The following ZNF76 variants were observed in gnomAD, a reference collection of about 807,000 sequenced individuals.
The protein encoded by ZNF76 is zinc finger protein 76.
In ZNF76, 66 loss-of-function variants were observed where a neutral mutation model predicts 66.9. The observed-to-expected ratio is 0.99, with a 90% confidence interval of 0.81 to 1.21. ZNF76 has a LOEUF of 1.21. Among genes scored for constraint, ZNF76 ranks in the 50% most tolerant of loss-of-function variants. The pLI, the probability that ZNF76 is intolerant of heterozygous loss-of-function variation, is 0.00. For missense variants in ZNF76, 729 were observed against 760.3 expected, an observed-to-expected ratio of 0.96 and a Z score of 0.48; for synonymous variants, 275 against 296.1, an observed-to-expected ratio of 0.93 and a Z score of 0.73.
intron 5 of ZNF76, among the ~76,000 whole-genome samples, chr6:35,288,893 A>G (rs1789979759): frequency 6.6e-6 from 1 of 151,432 alleles, no homozygotes; most frequent in Non-Finnish European, 1.5e-5. Flanking sequence ...GGTGACTGCA[A>G]TGAGCTGAGA....
Position 35,291,488 on chromosome 6 carries a change from T to C in ZNF76, c.752-70T>C, listed in dbSNP as rs1241897104. 4 of 1,608,490 alleles carry C rather than the reference T, an allele frequency of 2.5e-6. No homozygotes were observed. In the African/African-American group the frequency reaches 4.0e-5, roughly 16 times the overall value. On this transcript the variant is annotated intron_variant, in intron 8 of 13. Coordinates refer to ENST00000373953, the MANE Select transcript of ZNF76 (RefSeq NM_003427.5). ...TTTCAGACTTAGACCTGGAGCCCAGTGCCATCCCCAGCTTGCTCCAGCATG... is the reference window on the plus strand; with the variant it reads ...TTTCAGACTTAGACCTGGAGCCCAGCGCCATCCCCAGCTTGCTCCAGCATG...
At position 35,295,756 on chromosome 6, in the gene ZNF76, A is replaced by C; in HGVS notation, c.*508A>C. The C allele has an allele frequency of 4.9e-6, 1 of 202,740 alleles. No homozygotes were observed. Among genetic ancestry groups the C allele is most frequent in the Non-Finnish European group, 1.0e-5 (1 of 95,778 alleles). 12.6% of individuals were successfully genotyped at this position (202,740 alleles called of 1,614,324 possible). A position where few individuals can be genotyped will look rare whatever the true frequency, so the allele number is the denominator to read the frequency against. On this transcript the variant is annotated 3_prime_UTR_variant, in exon 14 of 14. Coordinates refer to ENST00000373953, the MANE Select transcript of ZNF76 (RefSeq NM_003427.5). ...GACTTCCTGACACCACAGTCAATTAATTCCTCAGGGGCCTGTGGCTGAAGA... is the reference window on the plus strand; with the variant it reads ...GACTTCCTGACACCACAGTCAATTACTTCCTCAGGGGCCTGTGGCTGAAGA...
chr6:35,263,533 T>C (rs1007387323), intron 1 of ZNF76, among the ~76,000 whole-genome samples: 6 of 152,218 alleles, frequency 3.9e-5, no homozygotes, highest in Non-Finnish European at 5.9e-5. Flanking sequence ...AATGTACTTA[T>C]TGGCTGTGCA....
In ZNF76 at chr6:35,292,630, C is replaced by T. The variant is rs772911192; in HGVS notation, c.1008C>T (p.His336=). The T allele has an allele frequency of 1.2e-6, 2 of 1,614,070 alleles. No homozygotes were observed. The highest frequency in any genetic ancestry group is 8.5e-7 in the Non-Finnish European group (1 of 1,180,034). ...FTEYSSLYKH[H]VVHTHCKPYT... is the part of the protein sequence containing the mutation. ...AGTACTCGAGCTTGTATAAGCACCA[C>T]GTGGTGCACACACACTGCAAGCCCT... Residue 336 remains histidine, a synonymous_variant, in exon 10 of 14, where the codon CAC becomes CAT. Transcript: ENST00000373953. The surrounding 1 kb of genome is among the most constrained non-coding windows in gnomAD (Gnocchi z 4.7).
Position 35,291,642 on chromosome 6 carries a change from A to C in ZNF76, c.836A>C (p.His279Pro). The part of the protein sequence containing the change: ...SNIRKVHVRT[H>P]TGERPYTCPE... ...ATCCGCAAGGTACATGTGCGCACCC[A>C]CACAGGCGAGAGGCCCTACACCTGC... Residue 279 changes from histidine to proline, a missense_variant, in exon 9 of 14, where the codon CAC becomes CCC. Transcript: ENST00000373953. 1 of 1,613,948 alleles carries C rather than the reference A, an allele frequency of 6.2e-7. No homozygotes were observed.
chr6:35,260,127 G>T (rs1283283907), intron 1 of ZNF76, among the ~76,000 whole-genome samples: 2 of 152,000 alleles, frequency 1.3e-5, no homozygotes, highest in African/African-American at 2.4e-5. Flanking sequence ...ACCTCACCAG[G>T]TAACCGTTGG....
At chr6:35,286,513 C>T in intron 4 of ZNF76, 114 bp downstream of exon 4, 1 of 971,116 alleles carries the variant, frequency 1.0e-6, no homozygotes, top group Non-Finnish European at 1.6e-6. Flanking sequence ...TGGGAGCTGT[C>T]ATCTCCATGG....
intron 1 of ZNF76, among the ~76,000 whole-genome samples, chr6:35,278,377 AG>A (rs1166727681): frequency 6.6e-6 from 1 of 152,192 alleles, no homozygotes; most frequent in African/African-American, 2.4e-5. Context: ...CATGTTAGTC[AG>A]GCTGGTCTCG....
intron 11 of ZNF76, 113 bp from the exon 12 acceptor site, chr6:35,293,638 T>A: frequency 7.6e-7 from 1 of 1,313,030 alleles, no homozygotes; most frequent in Non-Finnish European, 1.1e-6. Flanking sequence ...TCCACCACTA[T>A]GACATGAAAC....
chr6:35,273,393 G>A (rs989564870), intron 1 of ZNF76, among the ~76,000 whole-genome samples: 13 of 150,750 alleles, frequency 8.6e-5, no homozygotes, highest in Non-Finnish European at 1.6e-4. Context: ...GGGTGATCTC[G>A]AACTCCTGAC....
intron 1 of ZNF76, among the ~76,000 whole-genome samples, chr6:35,277,854 T>G (rs1379944870): frequency 1.3e-5 from 2 of 152,186 alleles, no homozygotes; most frequent in African/African-American, 4.8e-5. Context: ...TAGGTTTTTT[T>G]GGGTTTTTCG....
At chr6:35,262,733 C>T (rs1207015146) in intron 1 of ZNF76, among the ~76,000 whole-genome samples, 1 of 152,148 alleles carries the variant, frequency 6.6e-6, no homozygotes, top group Non-Finnish European at 1.5e-5. Flanking sequence ...CATTTAGTGA[C>T]CTCTTGATGT....
At chr6:35,263,081 C>T (rs186241069) in intron 1 of ZNF76, among the ~76,000 whole-genome samples, 1 of 152,332 alleles carries the variant, frequency 6.6e-6, no homozygotes, top group Non-Finnish European at 1.5e-5. Flanking sequence ...TGCGTATGCC[C>T]CTGCTGCTTT....
intron 1 of ZNF76, among the ~76,000 whole-genome samples, chr6:35,275,214 G>C (rs985060258): frequency 6.6e-6 from 1 of 151,920 alleles, no homozygotes; most frequent in Non-Finnish European, 1.5e-5. Flanking sequence ...AGTTCTGGGA[G>C]AGTCAAGAGT....
intron 1 of ZNF76, among the ~76,000 whole-genome samples, chr6:35,275,406 G>A (rs148883840): frequency 6.6e-6 from 1 of 152,208 alleles, no homozygotes; most frequent in Admixed American, 6.5e-5. Flanking sequence ...AGTCTGAACC[G>A]GCAAGTGCAG....
intron 11 of ZNF76, 144 bp from the exon 12 acceptor site, chr6:35,293,607 G>T: frequency 1.1e-6 from 1 of 928,712 alleles, no homozygotes; most frequent in Non-Finnish European, 1.6e-6. Flanking sequence ...GACCCATTTT[G>T]TTTGCCTGTC....
chr6:35,278,602 T>C (rs76249871), intron 1 of ZNF76, among the ~76,000 whole-genome samples: 1,950 of 152,352 alleles, frequency 0.013, 13 homozygotes, highest in African/African-American at 0.022. Flanking sequence ...GTCAAAGATA[T>C]CGGTTGGTAA....
At chr6:35,264,472 G>A (rs1259577515) in intron 1 of ZNF76, among the ~76,000 whole-genome samples, 1 of 152,186 alleles carries the variant, frequency 6.6e-6, no homozygotes, top group African/African-American at 2.4e-5. Flanking sequence ...GACGATTAAG[G>A]AACAGAGGAA....
intron 1 of ZNF76, chr6:35,279,926 GGGTCA>G (rs1252364950): frequency 6.6e-6 from 1 of 152,062 alleles, no homozygotes; most frequent in African/African-American, 2.4e-5. Flanking sequence ...CAAATTCCTG[GGGTCA>G]GGCAGTGCTC....
Sources: gnomAD v4.1 joint callset for allele counts (sites outside exome capture counted in the v4.1 genomes callset) on GRCh38, gnomAD v4.1.1 for gene constraint, Gnocchi (gnomAD v3.1) non-coding constraint, MANE v1.5 for transcripts, NCBI Gene and HGNC (gene_info 2026-07-23, HGNC 2026-07-21) for gene names.